CYP4X1: variants seen among roughly 807,000 people sequenced by gnomAD.
CYP4X1 encodes the protein cytochrome P450 family 4 subfamily X member 1, also known as cytochrome P450 4X1.
A neutral mutation model predicts 57.9 loss-of-function variants in CYP4X1; 44 were observed. The observed-to-expected ratio is 0.76, with a 90% confidence interval of 0.60 to 0.98. The LOEUF is 0.98. CYP4X1 is among the 50% of genes least tolerant of loss of function. CYP4X1 has a pLI of 0.00. For synonymous variants in CYP4X1, 227 were observed against 228.6 expected (o/e 0.99, Z 0.06); for missense variants, 532 against 623.9 (o/e 0.85, Z 1.57).
At chr1:47,023,263 G>C (rs1206884357), upstream of CYP4X1, among the ~76,000 whole-genome samples, 1 of 152,044 alleles carries the variant, frequency 6.6e-6, no homozygotes, top group Non-Finnish European at 1.5e-5. Context: ...CCCTCGTATC[G>C]GCAGCTTGAA....
the CYP4X1 span, among the ~76,000 whole-genome samples, chr1:46,965,387 C>T: frequency 5.3e-5 from 8 of 152,232 alleles, no homozygotes; most frequent in Non-Finnish European, 7.3e-5. Context: ...ATTCAGCCAT[C>T]TTGGAACTGC....
chr1:47,029,680 GC>G (rs373416452), intron 1 of CYP4X1, among the ~76,000 whole-genome samples: 469 of 152,268 alleles, frequency 3.1e-3, no homozygotes, highest in Non-Finnish European at 5.5e-3. Context: ...TGTGATGTTG[GC>G]AAGTGAGGCA....
intron 9 of CYP4X1, 57 bp from the exon 10 acceptor site, chr1:47,048,508 A>G: frequency 6.4e-7 from 1 of 1,572,398 alleles, no homozygotes; most frequent in Non-Finnish European, 8.8e-7. Context: ...TTAAGAGCAC[A>G]GTAGCCCACA....
intron 5 of CYP4X1, 25 bp from the exon 6 acceptor site, chr1:47,035,992 A>G (rs1644176038): frequency 6.2e-7 from 1 of 1,610,320 alleles, no homozygotes; most frequent in Admixed American, 1.7e-5. Flanking sequence ...GTTTATTAAC[A>G]CATTATCCCA....
At chr1:47,031,620 GAA>G (rs1183295674) in intron 3 of CYP4X1, 140 bp downstream of exon 3, 1 of 898,140 alleles carries the variant, frequency 1.1e-6, no homozygotes, top group Non-Finnish European at 1.7e-6. Context: ...TTATCTAGGG[GAA>G]AGATTGAAGG....
At chr1:47,052,782 TAAAC>T (rs138072980), downstream of CYP4X1, among the ~76,000 whole-genome samples, 63,188 of 151,472 alleles carry the variant, frequency 0.42, 14,489 homozygotes, top group East Asian at 0.97. Context: ...CCTAAATAAA[TAAAC>T]AAACAAATAA....
At chr1:46,969,705 G>A in the CYP4X1 span, among the ~76,000 whole-genome samples, 1 of 152,166 alleles carries the variant, frequency 6.6e-6, no homozygotes, top group Admixed American at 6.5e-5. Flanking sequence ...GCTATATTAT[G>A]TGTCTTCTGT....
At chr1:47,008,420 G>A in the CYP4X1 span, among the ~76,000 whole-genome samples, 1 of 152,244 alleles carries the variant, frequency 6.6e-6, no homozygotes, top group South Asian at 2.1e-4. Flanking sequence ...GCTCCTGAAG[G>A]AAGCACTAAA....
At chr1:46,993,000 C>T in the CYP4X1 span, among the ~76,000 whole-genome samples, 1 of 152,046 alleles carries the variant, frequency 6.6e-6, no homozygotes, top group Non-Finnish European at 1.5e-5. Flanking sequence ...GTTACATATG[C>T]ATACATGTGC....
the CYP4X1 span, among the ~76,000 whole-genome samples, chr1:47,015,226 T>A: frequency 1.2e-4 from 19 of 152,342 alleles, no homozygotes; most frequent in East Asian, 3.7e-3. Context: ...GAGTAGGAAC[T>A]GGTTCTATGC....
the CYP4X1 span, among the ~76,000 whole-genome samples, chr1:47,010,174 C>T: frequency 2.6e-5 from 4 of 151,034 alleles, no homozygotes; most frequent in Non-Finnish European, 5.9e-5. Flanking sequence ...AAAATACTAG[C>T]AAACCGAATC....
At position 47,030,109 on chromosome 1, in the gene CYP4X1, A is replaced by C; in HGVS notation, c.297A>C (p.Ala99=). 1 of 1,614,042 alleles carries C rather than the reference A, an allele frequency of 6.2e-7. No homozygotes were observed. Among genetic ancestry groups the C allele is most frequent in the Non-Finnish European group, 8.5e-7 (1 of 1,179,954 alleles). The change falls in exon 2 of 12, where the codon GCA becomes GCC. Residue 99 remains alanine (A), a synonymous_variant. Coordinates refer to ENST00000371901, the MANE Select transcript of CYP4X1 (RefSeq NM_178033.2). ...TCTGTATCTATGACCCAGACTATGC[A>C]AAGACACTTCTGAGCAGAACAGGTA... ...AFFCIYDPDY[A]KTLLSRTDPK...
At chr1:46,991,305 G>A in the CYP4X1 span, among the ~76,000 whole-genome samples, 1 of 152,144 alleles carries the variant, frequency 6.6e-6, no homozygotes, top group Non-Finnish European at 1.5e-5. Flanking sequence ...TGACATCATG[G>A]ATTTGTAGTT....
the CYP4X1 span, among the ~76,000 whole-genome samples, chr1:46,972,395 T>A: frequency 1.4e-4 from 21 of 152,310 alleles, no homozygotes; most frequent in South Asian, 4.1e-4. Context: ...TTGTTCTTTT[T>A]GCTTAGGATA....
the CYP4X1 span, among the ~76,000 whole-genome samples, chr1:47,002,010 T>C: frequency 6.6e-6 from 1 of 152,310 alleles, no homozygotes; most frequent in South Asian, 2.1e-4. Flanking sequence ...TCTCTAAACA[T>C]CCAGGCAGCG....
chr1:46,995,197 G>A, the CYP4X1 span, among the ~76,000 whole-genome samples: 53 of 150,788 alleles, frequency 3.5e-4, no homozygotes, highest in East Asian at 0.01. Context: ...AATTTTTTCT[G>A]TTGTAAGGTG....
the CYP4X1 span, among the ~76,000 whole-genome samples, chr1:47,011,295 C>T: frequency 1.2e-4 from 18 of 152,198 alleles, no homozygotes; most frequent in South Asian, 3.7e-3. Context: ...CTGACAAAAA[C>T]AAGAAATGGG....
At chr1:46,964,954 T>G in the CYP4X1 span, among the ~76,000 whole-genome samples, 3 of 151,996 alleles carry the variant, frequency 2.0e-5, no homozygotes, top group East Asian at 5.8e-4. Flanking sequence ...GCTCCTCCCC[T>G]AGCCTCACTG....
the CYP4X1 span, among the ~76,000 whole-genome samples, chr1:46,973,604 T>C: frequency 1.6e-4 from 24 of 152,178 alleles, no homozygotes; most frequent in African/African-American, 5.8e-4. Flanking sequence ...TTCAATTTAA[T>C]ACCTTGATAT....
Sources: allele counts gnomAD v4.1 joint callset (sites outside exome capture counted in the v4.1 genomes callset), GRCh38; gene constraint gnomAD v4.1.1; transcripts MANE v1.5; gene names NCBI Gene and HGNC (gene_info 2026-07-23, HGNC 2026-07-21).